Variants in CDK6 observed in about 807,000 individuals in gnomAD.
The protein encoded by CDK6 is cyclin dependent kinase 6.
CDK6 carries 6 observed loss-of-function variants against 37.1 expected under a neutral mutation model. The observed-to-expected ratio is 0.16, with a 90% CI of 0.09 to 0.32. The LOEUF (loss-of-function observed/expected upper bound fraction) is 0.32, where lower values mean the gene tolerates loss of function less well. CDK6 is among the 10% of genes least tolerant of loss of function. CDK6 has a pLI of 1.00. For synonymous variants in CDK6, 160 were observed against 161.3 expected, an observed-to-expected ratio of 0.99 and a Z score of 0.06; for missense variants, 224 against 418.9, an observed-to-expected ratio of 0.53 and a Z score of 4.06.
At chr7:92,757,997 T>A (rs1289983139) in intron 3 of CDK6, among the ~76,000 whole-genome samples, 1 of 151,870 alleles carries the variant, frequency 6.6e-6, no homozygotes, top group Non-Finnish European at 1.5e-5. Context: ...ACTTTTTAAT[T>A]TTTTTATCTT....
chr7:92,797,025 A>C (rs959794721), intron 2 of CDK6, among the ~76,000 whole-genome samples: 2 of 152,186 alleles, frequency 1.3e-5, no homozygotes, highest in Non-Finnish European at 2.9e-5. Context: ...ACCACCCCAC[A>C]TCGAACAGAC....
At chr7:92,720,683 C>T (rs754392895) in intron 4 of CDK6, among the ~76,000 whole-genome samples, 5 of 152,194 alleles carry the variant, frequency 3.3e-5, no homozygotes, top group Non-Finnish European at 7.3e-5. Flanking sequence ...TGCTCTAAGA[C>T]ATGTCAGACC....
intron 3 of CDK6, among the ~76,000 whole-genome samples, chr7:92,765,687 A>G (rs1196382190): frequency 6.6e-6 from 1 of 152,218 alleles, no homozygotes; most frequent in Non-Finnish European, 1.5e-5. Flanking sequence ...TCCAGGCAGT[A>G]TGCTGGCCCT....
At chr7:92,803,405 G>A (rs1800640333) in intron 2 of CDK6, among the ~76,000 whole-genome samples, 1 of 152,186 alleles carries the variant, frequency 6.6e-6, no homozygotes, top group Non-Finnish European at 1.5e-5. Context: ...TGCTCCCATG[G>A]AGCTGATGAC....
chr7:92,628,243 A>G (rs776291747), intron 5 of CDK6, among the ~76,000 whole-genome samples: 2 of 151,974 alleles, frequency 1.3e-5, no homozygotes, highest in Non-Finnish European at 2.9e-5. Flanking sequence ...GCATTTTTCT[A>G]CTTTTCTATA....
chr7:92,779,688 T>C (rs940826401), intron 2 of CDK6, among the ~76,000 whole-genome samples: 2 of 152,328 alleles, frequency 1.3e-5, no homozygotes, highest in East Asian at 1.9e-4. Flanking sequence ...TAGTACTCCA[T>C]GGAAGACATC....
chr7:92,789,068 G>A (rs2115846539), intron 2 of CDK6, among the ~76,000 whole-genome samples: 1 of 152,256 alleles, frequency 6.6e-6, no homozygotes, highest in Middle Eastern at 3.4e-3. Context: ...TGAGGCTACA[G>A]TGAACTATGA....
At chr7:92,670,582 A>C (rs1014595894) in intron 5 of CDK6, among the ~76,000 whole-genome samples, 2 of 152,226 alleles carry the variant, frequency 1.3e-5, no homozygotes, top group Non-Finnish European at 2.9e-5. Context: ...TAGTACCCAG[A>C]TATGGATTAT....
chr7:92,818,681 T>C (rs1356785815), intron 2 of CDK6, among the ~76,000 whole-genome samples: 1 of 152,010 alleles, frequency 6.6e-6, no homozygotes, highest in African/African-American at 2.4e-5. Context: ...AAGAAAATAT[T>C]TGTAATCCAT....
In CDK6 at chr7:92,834,197, G is replaced by C. The variant is rs967787630; in HGVS notation, c.-367-507C>G. Among the ~76,000 whole-genome samples the C allele has an allele frequency of 6.6e-6, 1 of 152,168 alleles. No individual in the cohort carries two copies. Among genetic ancestry groups the C allele is most frequent in the Admixed American group, 6.5e-5 (1 of 15,292 alleles). The stretch of plus-strand genomic sequence containing the variant: ...AGGACTGTGGGTCCATCCGTGTGGG[G>C]CCGCAGAATGTGGGTGGGGGCTCCC... On this transcript the variant is annotated intron_variant, in intron 1 of 7. Coordinates refer to ENST00000424848, the MANE Select transcript of CDK6 (RefSeq NM_001145306.2). This position sits in a 1 kb window ranked among gnomAD's most constrained non-coding sequence, Gnocchi z 4.6.
At chr7:92,647,106 G>A (rs1796470271) in intron 5 of CDK6, among the ~76,000 whole-genome samples, 1 of 152,192 alleles carries the variant, frequency 6.6e-6, no homozygotes, top group South Asian at 2.1e-4. Flanking sequence ...ACAGGCTGCA[G>A]TATGTTCATT....
chr7:92,685,463 A>G (rs1797428618), intron 4 of CDK6, among the ~76,000 whole-genome samples: 1 of 152,236 alleles, frequency 6.6e-6, no homozygotes, highest in Admixed American at 6.5e-5. Context: ...ACTAATTCAA[A>G]GAAACGCTAT....
intron 2 of CDK6, among the ~76,000 whole-genome samples, chr7:92,806,762 C>T (rs1253053985): frequency 1.3e-5 from 2 of 152,178 alleles, no homozygotes; most frequent in African/African-American, 4.8e-5. Flanking sequence ...CCTTTGTTCA[C>T]TCTGACATTC....
intron 2 of CDK6, among the ~76,000 whole-genome samples, chr7:92,797,514 G>A (rs1800444468): frequency 6.6e-6 from 1 of 152,156 alleles, no homozygotes; most frequent in South Asian, 2.1e-4. Context: ...GGTGGATACT[G>A]GAACATGGCA....
At chr7:92,701,553 C>T (rs931707805) in intron 4 of CDK6, among the ~76,000 whole-genome samples, 10 of 152,060 alleles carry the variant, frequency 6.6e-5, no homozygotes, top group Non-Finnish European at 1.2e-4. Context: ...CTACAGGCGC[C>T]TGCAACCACA....
chr7:92,761,506 C>T (rs1312548935), intron 3 of CDK6, among the ~76,000 whole-genome samples: 17 of 152,146 alleles, frequency 1.1e-4, no homozygotes, highest in Admixed American at 1.1e-3. Context: ...CAAAGGGTTA[C>T]CTCTGAACAG....
In CDK6 at chr7:92,673,863, C is replaced by T. The variant is rs181572255; in HGVS notation, c.538-2328G>A. ...CATGATCTCAGCTCACTGCAACCTC[C>T]GCCTCCCGGGTTCAAGCAATTCTCC... On this transcript the variant is annotated intron_variant, in intron 4 of 7. Coordinates refer to ENST00000424848, the MANE Select transcript of CDK6 (RefSeq NM_001145306.2). 3.2e-3 allele frequency among the ~76,000 whole-genome samples: 490 copies of T among 151,938 alleles called. 1 individual carries two copies. The highest frequency in any genetic ancestry group is 0.011 in the African/African-American group (462 of 41,442).
At chr7:92,775,804 A>G (rs551724568) in intron 2 of CDK6, among the ~76,000 whole-genome samples, 3 of 152,110 alleles carry the variant, frequency 2.0e-5, no homozygotes, top group African/African-American at 4.8e-5. Flanking sequence ...TTTAATTTTT[A>G]AAAAAAATTG....
intron 3 of CDK6, among the ~76,000 whole-genome samples, chr7:92,759,277 C>T (rs563825287): frequency 3.9e-5 from 6 of 152,106 alleles, no homozygotes; most frequent in Non-Finnish European, 8.8e-5. Flanking sequence ...ACATGCTCAT[C>T]AATCACCAAA....
Sources: allele counts gnomAD v4.1 joint callset (sites outside exome capture counted in the v4.1 genomes callset), GRCh38; gene constraint gnomAD v4.1.1; non-coding constraint Gnocchi (gnomAD v3.1); transcripts MANE v1.5; gene names NCBI Gene and HGNC (gene_info 2026-07-23, HGNC 2026-07-21).